DNAJC12: variants seen among roughly 807,000 people sequenced by gnomAD.
DNAJC12 encodes DnaJ heat shock protein family (Hsp40) member C12, also known as dnaJ homolog subfamily C member 12.
Under a neutral mutation model 28.5 loss-of-function variants are expected in DNAJC12, and 25 were observed. That is an observed-to-expected ratio of 0.88 (90% CI 0.64 to 1.22). The LOEUF (loss-of-function observed/expected upper bound fraction) is 1.22, where lower values mean the gene tolerates loss of function less well. DNAJC12 is among the 50% of genes most tolerant of loss of function. The pLI, the probability that DNAJC12 is intolerant of heterozygous loss-of-function variation, is 0.00. For missense variants in DNAJC12, 222 were observed against 231.7 expected (o/e 0.96, Z 0.27); for synonymous variants, 77 against 80.6 (o/e 0.95, Z 0.24).
intron 1 of DNAJC12, among the ~76,000 whole-genome samples, chr10:67,835,372 T>C (rs1842132185): frequency 6.6e-6 from 1 of 152,062 alleles, no homozygotes; most frequent in Admixed American, 6.6e-5. Flanking sequence ...ATAAAAATAT[T>C]TTTGAAATGA....
At chr10:67,808,266 C>CA (rs1258881780) in intron 3 of DNAJC12, among the ~76,000 whole-genome samples, 1 of 152,146 alleles carries the variant, frequency 6.6e-6, no homozygotes, top group Non-Finnish European at 1.5e-5. Flanking sequence ...GGAGAGTCTA[C>CA]AGCAAGATAA....
intron 1 of DNAJC12, among the ~76,000 whole-genome samples, chr10:67,828,493 G>A (rs1025949695): frequency 3.3e-5 from 5 of 152,050 alleles, no homozygotes; most frequent in Admixed American, 6.6e-5. Context: ...GAACACCTTC[G>A]AATAATAGGA....
intron 1 of DNAJC12, among the ~76,000 whole-genome samples, chr10:67,831,069 T>C (rs1026696205): frequency 6.6e-6 from 1 of 152,070 alleles, no homozygotes; most frequent in Non-Finnish European, 1.5e-5. Context: ...GTGCCTGTAG[T>C]CCCAGCTACT....
At chr10:67,813,254 T>C (rs1441936679) in intron 2 of DNAJC12, among the ~76,000 whole-genome samples, 3 of 151,404 alleles carry the variant, frequency 2.0e-5, no homozygotes, top group Non-Finnish European at 4.4e-5. Flanking sequence ...TCCCAGCTAT[T>C]TGGGAGGCTG....
chr10:67,832,205 C>T (rs1436791883), intron 1 of DNAJC12, among the ~76,000 whole-genome samples: 1 of 147,184 alleles, frequency 6.8e-6, no homozygotes, highest in Non-Finnish European at 1.5e-5. Flanking sequence ...GCGAAGGTTG[C>T]AGTGAGCCCA....
chr10:67,801,042 T>G (rs1841739086), intron 4 of DNAJC12, among the ~76,000 whole-genome samples: 1 of 152,240 alleles, frequency 6.6e-6, no homozygotes, highest in Non-Finnish European at 1.5e-5. Context: ...TATTGCATAT[T>G]TAAGCAGAAA....
intron 1 of DNAJC12, among the ~76,000 whole-genome samples, chr10:67,829,242 G>T (rs770531922): frequency 6.6e-6 from 1 of 152,100 alleles, no homozygotes; most frequent in Non-Finnish European, 1.5e-5. Context: ...AGCAGTCCAA[G>T]CCTCTGATAA....
chr10:67,832,899 C>T (rs187766165), intron 1 of DNAJC12, among the ~76,000 whole-genome samples: 1 of 152,186 alleles, frequency 6.6e-6, no homozygotes, highest in Non-Finnish European at 1.5e-5. Context: ...CCATTTCATG[C>T]ACCCCCACAT....
chr10:67,837,313 T>C (rs916618310), intron 1 of DNAJC12, among the ~76,000 whole-genome samples: 4 of 152,128 alleles, frequency 2.6e-5, no homozygotes, highest in Admixed American at 6.5e-5. Context: ...TTAAAAAACC[T>C]CTACAACCTT....
chr10:67,808,674 CACA>C (rs1333161888), intron 3 of DNAJC12: 2 of 152,076 alleles, frequency 1.3e-5, no homozygotes, highest in African/African-American at 2.4e-5. Flanking sequence ...TAAACATTGG[CACA>C]ACATTTTTTT....
At chr10:67,810,846 G>C (rs1841851894) in intron 3 of DNAJC12, 1 of 152,148 alleles carries the variant, frequency 6.6e-6, no homozygotes, top group African/African-American at 2.4e-5. Flanking sequence ...TGTATTATAA[G>C]TCCCATGTCA....
intron 2 of DNAJC12, among the ~76,000 whole-genome samples, chr10:67,815,368 C>CGTG (rs1841902569): frequency 6.6e-6 from 1 of 151,688 alleles, no homozygotes; most frequent in African/African-American, 2.4e-5. Context: ...ATTAGCTGGG[C>CGTG]GTGGTGGTGC....
chr10:67,826,473 T>C (rs1842030948), intron 1 of DNAJC12, among the ~76,000 whole-genome samples: 1 of 146,042 alleles, frequency 6.8e-6, no homozygotes, highest in Non-Finnish European at 1.5e-5. Flanking sequence ...TATGCATATA[T>C]ATATATATAA....
intron 2 of DNAJC12, among the ~76,000 whole-genome samples, chr10:67,812,200 G>A (rs1841867844): frequency 6.6e-6 from 1 of 152,072 alleles, no homozygotes; most frequent in South Asian, 2.1e-4. Context: ...TATAAAGCAG[G>A]AAGGAGCACG....
At chr10:67,827,686 CAAA>C (rs59152300) in intron 1 of DNAJC12, 11 of 142,334 alleles carry the variant, frequency 7.7e-5, no homozygotes, top group Non-Finnish European at 1.1e-4. Context: ...AACTCCATCT[CAAA>C]AAAAAAAAAA....
intron 1 of DNAJC12, among the ~76,000 whole-genome samples, chr10:67,829,705 C>T (rs1037025987): frequency 6.6e-6 from 1 of 151,958 alleles, no homozygotes; most frequent in African/African-American, 2.4e-5. Flanking sequence ...TGTCAAGCCG[C>T]CCTTTGTGTT....
chr10:67,824,981 C>T lies in DNAJC12; in HGVS notation c.79-1589G>A, dbSNP rs575260879. Among the ~76,000 whole-genome samples, 15 of 152,164 alleles carry T rather than the reference C, an allele frequency of 9.9e-5. No homozygotes were observed. In the South Asian group the frequency reaches 1.5e-3, roughly 15 times the overall value. On this transcript the variant is annotated intron_variant, in intron 1 of 4. Coordinates refer to ENST00000225171, the MANE Select transcript of DNAJC12 (RefSeq NM_021800.3). ...AACTCCTAACCTCAGGTGATCCACC[C>T]GCCTCAGCCTCCCAAAGTGCTGGAA... is the stretch of plus-strand genomic sequence containing the variant.
chr10:67,823,159 A>G (rs956477980), intron 2 of DNAJC12, among the ~76,000 whole-genome samples, 155 bp downstream of exon 2: 4 of 152,224 alleles, frequency 2.6e-5, no homozygotes, highest in African/African-American at 9.6e-5. Context: ...GATCCTGCAC[A>G]GCCCTCTCCC....
intron 1 of DNAJC12, among the ~76,000 whole-genome samples, chr10:67,826,642 A>T (rs1370881375): frequency 7.6e-6 from 1 of 132,330 alleles, no homozygotes; most frequent in Non-Finnish European, 1.6e-5. Flanking sequence ...TATATATAAG[A>T]TATCTAATGA....
Sources: allele counts gnomAD v4.1 joint callset (sites outside exome capture counted in the v4.1 genomes callset), GRCh38; gene constraint gnomAD v4.1.1; transcripts MANE v1.5; gene names NCBI Gene and HGNC (gene_info 2026-07-23, HGNC 2026-07-21).